ROBO2: variants seen among roughly 807,000 people sequenced by gnomAD.
ROBO2 encodes the protein roundabout homolog 2.
A neutral mutation model predicts 160.8 loss-of-function variants in ROBO2; 53 were observed. The observed-to-expected ratio is 0.33, with a 90% CI of 0.26 to 0.41. ROBO2 has a LOEUF of 0.41. Among genes scored for constraint, ROBO2 ranks in the 10% least tolerant of loss-of-function variants. The probability of loss-of-function intolerance (pLI) is 1.00; values close to 1 mark genes in which losing one functional copy is unlikely to be tolerated. For missense variants in ROBO2, 1,577 were observed against 1,722.4 expected, an observed-to-expected ratio of 0.92 and a Z score of 1.49; for synonymous variants, 664 against 611.7, an observed-to-expected ratio of 1.09 and a Z score of -1.26.
At chr3:76,567,858 A>G (rs1413188986) in intron 2 of ROBO2, among the ~76,000 whole-genome samples, 2 of 133,784 alleles carry the variant, frequency 1.5e-5, no homozygotes, top group Non-Finnish European at 3.1e-5. Context: ...TCTGTTGCCC[A>G]GGCTGGAGTG....
intron 2 of ROBO2, among the ~76,000 whole-genome samples, chr3:76,546,808 C>A (rs9853037): frequency 0.047 from 7,171 of 151,536 alleles, 197 homozygotes; most frequent in African/African-American, 0.075. Flanking sequence ...TTAAGTCTAA[C>A]ACTTGATTTT....
intron 2 of ROBO2, among the ~76,000 whole-genome samples, chr3:76,808,959 T>C (rs767849872): frequency 6.6e-6 from 1 of 152,166 alleles, no homozygotes; most frequent in Non-Finnish European, 1.5e-5. Context: ...GGTAGGATCT[T>C]GGCTCTCCCA....
intron 2 of ROBO2, among the ~76,000 whole-genome samples, chr3:76,413,968 A>G (rs141738460): frequency 2.0e-5 from 3 of 152,316 alleles, no homozygotes; most frequent in African/African-American, 7.2e-5. Context: ...ACAGTTCCAC[A>G]TGGCTGGGGA....
intron 2 of ROBO2, among the ~76,000 whole-genome samples, chr3:77,169,900 T>A (rs1208927303): frequency 6.6e-6 from 1 of 151,964 alleles, no homozygotes; most frequent in Non-Finnish European, 1.5e-5. Flanking sequence ...CGTCCTGGGG[T>A]CTCTGGGGGG....
intron 2 of ROBO2, among the ~76,000 whole-genome samples, chr3:77,379,037 T>C (rs1164722268): frequency 6.6e-6 from 1 of 151,840 alleles, no homozygotes; most frequent in Non-Finnish European, 1.5e-5. Flanking sequence ...AACCTCTGCC[T>C]CCCAGGTTCA....
At chr3:76,381,930 T>A (rs1216143302) in intron 2 of ROBO2, among the ~76,000 whole-genome samples, 1 of 152,160 alleles carries the variant, frequency 6.6e-6, no homozygotes, top group Non-Finnish European at 1.5e-5. Flanking sequence ...CTAATTCATG[T>A]ATATATAGAA....
chr3:77,356,491 G>C (rs955441589), intron 2 of ROBO2, among the ~76,000 whole-genome samples: 2 of 152,106 alleles, frequency 1.3e-5, no homozygotes, highest in African/African-American at 4.8e-5. Flanking sequence ...CTTAGAATTG[G>C]GTTGGGTATG....
Position 76,630,337 on chromosome 3 carries a change from C to T in ROBO2, c.110-467677C>T, listed in dbSNP as rs185000609. The stretch of plus-strand genomic sequence containing the variant: ...GCCCTGAGCTTGTGCCCTGAGATGG[C>T]TCTGGCCACTCAGGAACTTGAACTG... On this transcript the variant is annotated intron_variant, in intron 2 of 26. Coordinates refer to the ROBO2 transcript ENST00000487694. Among the ~76,000 whole-genome samples, 94 of 144,988 alleles carry T rather than the reference C, an allele frequency of 6.5e-4. 1 individual carries two copies. The highest frequency in any genetic ancestry group is 6.2e-3 in the South Asian group (30 of 4,824).
intron 2 of ROBO2, among the ~76,000 whole-genome samples, chr3:77,023,245 G>T (rs572037712): frequency 6.6e-6 from 1 of 152,214 alleles, no homozygotes; most frequent in African/African-American, 2.4e-5. Context: ...TTCTCTTGCT[G>T]CCACCATGTA....
intron 2 of ROBO2, among the ~76,000 whole-genome samples, chr3:76,819,155 A>T (rs1188872693): frequency 1.3e-5 from 2 of 152,124 alleles, no homozygotes; most frequent in Admixed American, 6.6e-5. Context: ...AACAAGTGAG[A>T]ATGAATTACA....
chr3:77,087,270 A>G (rs1459273868), intron 1 of ROBO2, among the ~76,000 whole-genome samples: 3 of 152,222 alleles, frequency 2.0e-5, no homozygotes, highest in Non-Finnish European at 4.4e-5. Context: ...TAGACAATTT[A>G]ATGATTTTTG....
At chr3:76,524,931 A>C (rs1415868976) in intron 2 of ROBO2, among the ~76,000 whole-genome samples, 2 of 149,532 alleles carry the variant, frequency 1.3e-5, no homozygotes, top group Admixed American at 1.3e-4. Flanking sequence ...TAAAGATCCC[A>C]TGAGTTAGAG....
intron 2 of ROBO2, among the ~76,000 whole-genome samples, chr3:76,556,536 G>C (rs1307902388): frequency 6.6e-6 from 1 of 152,114 alleles, no homozygotes; most frequent in Non-Finnish European, 1.5e-5. Context: ...CATATTATAA[G>C]TGTTAATAAA....
intron 2 of ROBO2, among the ~76,000 whole-genome samples, chr3:76,489,052 T>C (rs2079656278): frequency 8.4e-6 from 1 of 118,820 alleles, no homozygotes; most frequent in Non-Finnish European, 1.6e-5. Flanking sequence ...ACCACTGCAC[T>C]CCAGCTTGGG....
chr3:77,347,461 A>G (rs1172258507), intron 2 of ROBO2, among the ~76,000 whole-genome samples: 2 of 151,980 alleles, frequency 1.3e-5, no homozygotes, highest in Non-Finnish European at 2.9e-5. Flanking sequence ...GCATAGGACT[A>G]TAATGTTTAT....
At chr3:77,508,841 T>C (rs2088967881) in intron 5 of ROBO2, among the ~76,000 whole-genome samples, 1 of 152,134 alleles carries the variant, frequency 6.6e-6, no homozygotes, top group Non-Finnish European at 1.5e-5. Context: ...ACCTTGCTCT[T>C]TTTTTACCGC....
At chr3:77,103,319 T>G (rs2072292863) in intron 2 of ROBO2, among the ~76,000 whole-genome samples, 1 of 152,140 alleles carries the variant, frequency 6.6e-6, no homozygotes, top group Admixed American at 6.5e-5. Context: ...ACTGTGCCAG[T>G]GCAGAGAGTA....
chr3:76,227,865 CT>C (rs1279425281), intron 2 of ROBO2, among the ~76,000 whole-genome samples: 1 of 152,128 alleles, frequency 6.6e-6, no homozygotes, highest in Non-Finnish European at 1.5e-5. Flanking sequence ...CACATAATCA[CT>C]TTTTTAGTGC....
chr3:77,159,031 A>G (rs1453482134), intron 2 of ROBO2, among the ~76,000 whole-genome samples: 2 of 152,128 alleles, frequency 1.3e-5, no homozygotes, highest in Non-Finnish European at 2.9e-5. Context: ...CTCTCAAGTC[A>G]TCATTCTTAA....
Sources: gnomAD v4.1 joint callset for allele counts (sites outside exome capture counted in the v4.1 genomes callset) on GRCh38, gnomAD v4.1.1 for gene constraint, MANE v1.5 for transcripts, NCBI Gene and HGNC (gene_info 2026-07-23, HGNC 2026-07-21) for gene names.